Variants in VWA3B observed in about 807,000 individuals in gnomAD.
The protein encoded by VWA3B is von Willebrand factor A domain-containing protein 3B.
A neutral mutation model predicts 158.3 loss-of-function variants in VWA3B; 138 were observed. That is an observed-to-expected ratio of 0.87 (90% CI 0.76 to 1.00). The LOEUF is 1.00. Ranked by LOEUF, VWA3B falls within the 50% of genes least tolerant of loss-of-function variation. VWA3B has a pLI of 0.00. For missense variants in VWA3B, 1,555 were observed against 1,565.1 expected, an observed-to-expected ratio of 0.99 and a Z score of 0.11; for synonymous variants, 596 against 587.3, an observed-to-expected ratio of 1.01 and a Z score of -0.21.
intron 22 of VWA3B, among the ~76,000 whole-genome samples, chr2:98,285,191 G>C (rs1689093353): frequency 6.6e-6 from 1 of 152,080 alleles, no homozygotes. Flanking sequence ...CCCATTTGCA[G>C]TCACTCTCTG....
At chr2:98,242,087 C>A (rs1186938459) in intron 19 of VWA3B, among the ~76,000 whole-genome samples, 3 of 152,168 alleles carry the variant, frequency 2.0e-5, no homozygotes, top group Non-Finnish European at 2.9e-5. Context: ...TAGAGTCTTA[C>A]TTCACTGAGA....
At chr2:98,185,230 C>T (rs1473885962) in intron 9 of VWA3B, among the ~76,000 whole-genome samples, 1 of 152,216 alleles carries the variant, frequency 6.6e-6, no homozygotes, top group Admixed American at 6.5e-5. Flanking sequence ...TCCCACCCAT[C>T]TGTCTCCTCC....
chr2:98,208,568 TATGTAACTTATCACAGCCTATTGTG>T (rs1683222188), intron 12 of VWA3B, among the ~76,000 whole-genome samples: 1 of 152,136 alleles, frequency 6.6e-6, no homozygotes, highest in African/African-American at 2.4e-5. Context: ...CTTATACATA[TATGTAACTTATCACAGCCTATTGTG>T]ATGTAACTTA....
chr2:98,202,177 A>G (rs1193478396), intron 12 of VWA3B, among the ~76,000 whole-genome samples: 4 of 152,130 alleles, frequency 2.6e-5, no homozygotes, highest in Non-Finnish European at 1.5e-5. Flanking sequence ...TATGAATTCA[A>G]TTTCTTTAAC....
intron 10 of VWA3B, among the ~76,000 whole-genome samples, chr2:98,191,144 G>C (rs900605783): frequency 6.6e-6 from 1 of 152,122 alleles, no homozygotes; most frequent in East Asian, 1.9e-4. Flanking sequence ...ACCATGCAGT[G>C]TATTTTAAAT....
intron 9 of VWA3B, among the ~76,000 whole-genome samples, chr2:98,187,476 A>T (rs894519935): frequency 6.6e-6 from 1 of 151,816 alleles, no homozygotes; most frequent in Admixed American, 6.6e-5. Flanking sequence ...GGAAAAGAGG[A>T]TTCATGAGAA....
chr2:98,175,266 G>A (rs66838144), intron 8 of VWA3B, among the ~76,000 whole-genome samples: 4,669 of 152,184 alleles, frequency 0.031, 86 homozygotes, highest in Middle Eastern at 0.065. Context: ...TTAAATAAGC[G>A]ATTTTAAATA....
At chr2:98,128,083 C>G (rs747312050) in intron 5 of VWA3B, 156 bp from the exon 6 acceptor site, 18 of 795,938 alleles carry the variant, frequency 2.3e-5, no homozygotes, top group Non-Finnish European at 3.7e-5. Flanking sequence ...CACTTCCTGA[C>G]TGGCCCTGAT....
chr2:98,090,143 C>A (rs1484742236), intron 1 of VWA3B, among the ~76,000 whole-genome samples: 3 of 152,188 alleles, frequency 2.0e-5, no homozygotes, highest in South Asian at 4.1e-4. Context: ...AAAAAAGTTT[C>A]TTCTGAGCTT....
chr2:98,312,842 T>C lies in VWA3B; in HGVS notation c.*493T>C, dbSNP rs1690992879. ...CCTACTGTATAGTTTCCTGACATTTTCATTTAGCCTTTCCTAATTATTTTT... is the reference window on the plus strand; with the variant it reads ...CCTACTGTATAGTTTCCTGACATTTCCATTTAGCCTTTCCTAATTATTTTT... On this transcript the variant is annotated 3_prime_UTR_variant, in exon 28 of 28. Transcript: ENST00000477737. 6.5e-6 allele frequency: 1 copy of C among 153,282 alleles called. No homozygotes were observed. The highest frequency in any genetic ancestry group is 2.1e-4 in the South Asian group (1 of 4,856). 9.5% of individuals were successfully genotyped at this position (153,282 alleles called of 1,614,324 possible).
intron 22 of VWA3B, among the ~76,000 whole-genome samples, chr2:98,285,281 G>A (rs537455931): frequency 1.4e-3 from 216 of 152,078 alleles, no homozygotes; most frequent in South Asian, 4.6e-3. Flanking sequence ...ATAAATAAAC[G>A]GCTGGATAAT....
At chr2:98,298,419 A>G (rs1406447068) in intron 24 of VWA3B, among the ~76,000 whole-genome samples, 2 of 150,874 alleles carry the variant, frequency 1.3e-5, no homozygotes, top group Non-Finnish European at 2.9e-5. Flanking sequence ...ATTCTATTCT[A>G]TTCTATTCTA....
intron 16 of VWA3B, 98 bp downstream of exon 16, chr2:98,230,305 A>G (rs959538327): frequency 3.2e-6 from 4 of 1,256,022 alleles, no homozygotes; most frequent in Admixed American, 3.0e-5. Context: ...AAGAAGCACT[A>G]AACTTGTGGG....
At chr2:98,268,754 C>A (rs775106945) in intron 21 of VWA3B, among the ~76,000 whole-genome samples, 18 of 151,572 alleles carry the variant, frequency 1.2e-4, no homozygotes, top group Non-Finnish European at 2.4e-4. Flanking sequence ...TTCTGATACC[C>A]AGATTTAAGC....
chr2:98,157,583 A>G (rs1678191927), intron 7 of VWA3B, among the ~76,000 whole-genome samples: 1 of 152,148 alleles, frequency 6.6e-6, no homozygotes, highest in South Asian at 2.1e-4. Context: ...CTCACAGTGT[A>G]TTATATTTTT....
chr2:98,303,421 G>A (rs1036222605), intron 25 of VWA3B, among the ~76,000 whole-genome samples: 1 of 146,552 alleles, frequency 6.8e-6, no homozygotes, highest in Non-Finnish European at 1.5e-5. Flanking sequence ...GTTATGTGAA[G>A]GTGTGTGTGT....
intron 8 of VWA3B, among the ~76,000 whole-genome samples, chr2:98,179,848 CTTTT>C (rs979883653): frequency 4.0e-5 from 5 of 123,598 alleles, no homozygotes; most frequent in African/African-American, 1.3e-4. Context: ...TTCTTTCTCT[CTTTT>C]TCTTTCTTTC....
At chr2:98,253,836 AT>A (rs1252776667) in intron 20 of VWA3B, among the ~76,000 whole-genome samples, 2 of 152,150 alleles carry the variant, frequency 1.3e-5, no homozygotes, top group Non-Finnish European at 2.9e-5. Context: ...AAATCCCTGA[AT>A]CATGGGGCTG....
chr2:98,183,548 A>T (rs1468429829), intron 9 of VWA3B, among the ~76,000 whole-genome samples: 1 of 152,190 alleles, frequency 6.6e-6, no homozygotes, highest in Non-Finnish European at 1.5e-5. Flanking sequence ...CAAGCCTAAG[A>T]ACTTGATATT....
Sources: allele counts gnomAD v4.1 joint callset (sites outside exome capture counted in the v4.1 genomes callset), GRCh38; gene constraint gnomAD v4.1.1; transcripts MANE v1.5; gene names NCBI Gene and HGNC (gene_info 2026-07-23, HGNC 2026-07-21).